The following PTPRD variants were observed in gnomAD, a reference collection of about 807,000 sequenced individuals.
The protein encoded by PTPRD is protein tyrosine phosphatase receptor type D.
Under a neutral mutation model 214.5 loss-of-function variants are expected in PTPRD, and 34 were observed. That is an observed-to-expected ratio of 0.16 (90% CI 0.12 to 0.21). The LOEUF is 0.21. PTPRD is among the 10% of genes least tolerant of loss of function. The pLI is 1.00. For missense variants in PTPRD, 2,545 were observed against 2,398.7 expected (o/e 1.06, Z -1.27); for synonymous variants, 1,128 against 845.7 (o/e 1.33, Z -5.79).
intron 10 of PTPRD, among the ~76,000 whole-genome samples, chr9:9,021,019 A>C (rs2099567970): frequency 6.6e-6 from 1 of 152,172 alleles, no homozygotes. Context: ...GGACACAAAA[A>C]CATAATATTT....
intron 8 of PTPRD, among the ~76,000 whole-genome samples, chr9:9,483,487 T>A (rs1189560598): frequency 6.6e-6 from 1 of 152,108 alleles, no homozygotes; most frequent in African/African-American, 2.4e-5. Flanking sequence ...GTAATAAAAA[T>A]ACGGAAGTTT....
intron 20 of PTPRD, among the ~76,000 whole-genome samples, chr9:8,519,730 TTTTGA>T (rs1157198667): frequency 1.2e-4 from 19 of 152,324 alleles, no homozygotes; most frequent in African/African-American, 4.1e-4. Flanking sequence ...TGTTCTTTTG[TTTTGA>T]TTTATTTTAA....
chr9:9,236,802 G>A (rs1209996192), intron 9 of PTPRD, among the ~76,000 whole-genome samples: 2 of 151,882 alleles, frequency 1.3e-5, no homozygotes, highest in African/African-American at 2.4e-5. Context: ...CAAAGAAAAT[G>A]GCCAGAGAGA....
chr9:9,593,294 TTAAC>T (rs1168812970), intron 7 of PTPRD, among the ~76,000 whole-genome samples: 2 of 150,646 alleles, frequency 1.3e-5, no homozygotes, highest in African/African-American at 4.9e-5. Flanking sequence ...TTATGGAAAC[TTAAC>T]TTTTTTTTTT....
At chr9:9,014,250 A>T (rs1029776356) in intron 11 of PTPRD, among the ~76,000 whole-genome samples, 2 of 146,760 alleles carry the variant, frequency 1.4e-5, no homozygotes, top group East Asian at 2.0e-4. Flanking sequence ...AGCAAAGCTG[A>T]TATCTTTGAA....
chr9:8,840,012 G>C (rs543439467), intron 11 of PTPRD, among the ~76,000 whole-genome samples: 4 of 152,210 alleles, frequency 2.6e-5, no homozygotes, highest in Non-Finnish European at 5.9e-5. Flanking sequence ...ATGAGCAAAA[G>C]GACTATAAGC....
At chr9:8,342,867 T>C (rs559785504) in intron 39 of PTPRD, among the ~76,000 whole-genome samples, 61 of 152,208 alleles carry the variant, frequency 4.0e-4, no homozygotes, top group African/African-American at 1.4e-3. Context: ...AAAAAGGATG[T>C]ATTAGTTTTG....
At chr9:8,514,676 CTT>C (rs772778155) in intron 21 of PTPRD, among the ~76,000 whole-genome samples, 4 of 152,074 alleles carry the variant, frequency 2.6e-5, no homozygotes, top group Admixed American at 1.3e-4. Flanking sequence ...TCTCTTGCCT[CTT>C]TTCATTATTG....
At chr9:10,009,452 A>G (rs2154103546) in intron 4 of PTPRD, among the ~76,000 whole-genome samples, 1 of 152,104 alleles carries the variant, frequency 6.6e-6, no homozygotes, top group South Asian at 2.1e-4. Flanking sequence ...GTGGATTCAC[A>G]GATTTTTTCA....
chr9:8,805,478 G>T (rs528301771), intron 11 of PTPRD, among the ~76,000 whole-genome samples: 1 of 149,530 alleles, frequency 6.7e-6, no homozygotes, highest in Admixed American at 6.7e-5. Context: ...GCCAATTTTG[G>T]AAAATGATTA....
chr9:8,907,520 A>T (rs2098716403), intron 11 of PTPRD, among the ~76,000 whole-genome samples: 2 of 121,370 alleles, frequency 1.6e-5, no homozygotes, highest in Admixed American at 1.7e-4. Context: ...TCCGTCTCAA[A>T]AAAAAAAAAA....
intron 7 of PTPRD, among the ~76,000 whole-genome samples, chr9:9,660,451 G>A (rs1235136488): frequency 2.0e-5 from 3 of 151,890 alleles, no homozygotes; most frequent in African/African-American, 2.4e-5. Context: ...TTTGAGTGAT[G>A]GGATCTTGAA....
At chr9:9,868,980 A>C (rs1013336543) in intron 5 of PTPRD, among the ~76,000 whole-genome samples, 3 of 152,204 alleles carry the variant, frequency 2.0e-5, no homozygotes, top group Non-Finnish European at 4.4e-5. Flanking sequence ...CAGGGACTAT[A>C]TCATTCACCT....
At chr9:8,357,970 G>C (rs755532407) in intron 39 of PTPRD, among the ~76,000 whole-genome samples, 12 of 152,178 alleles carry the variant, frequency 7.9e-5, no homozygotes, top group Non-Finnish European at 1.3e-4. Context: ...AATACTTCTT[G>C]GTCTTTGAGA....
At chr9:10,455,525 A>AT (rs2098905982) in intron 2 of PTPRD, among the ~76,000 whole-genome samples, 1 of 151,526 alleles carries the variant, frequency 6.6e-6, no homozygotes, top group Admixed American at 6.6e-5. Context: ...CAAACTCAAC[A>AT]TTTTTTAAAC....
chr9:9,814,070 G>A (rs1479901189), intron 5 of PTPRD, among the ~76,000 whole-genome samples: 11 of 152,042 alleles, frequency 7.2e-5, no homozygotes, highest in South Asian at 6.2e-4. Flanking sequence ...AATAGATGCA[G>A]AAAATGAATT....
intron 5 of PTPRD, among the ~76,000 whole-genome samples, chr9:9,934,333 A>G (rs1370883867): frequency 1.3e-5 from 2 of 151,062 alleles, no homozygotes; most frequent in African/African-American, 2.5e-5. Context: ...TGCTAGCAAG[A>G]CTAATAAAGA....
At chr9:8,547,766 A>G (rs1240541001) in intron 14 of PTPRD, among the ~76,000 whole-genome samples, 1 of 152,220 alleles carries the variant, frequency 6.6e-6, no homozygotes, top group Non-Finnish European at 1.5e-5. Context: ...ATATACCCAC[A>G]CAAAAATACA....
intron 37 of PTPRD, among the ~76,000 whole-genome samples, chr9:8,382,523 A>T (rs57763759): frequency 0.024 from 3,640 of 152,266 alleles, 121 homozygotes; most frequent in African/African-American, 0.082. Flanking sequence ...TTCTAAGTAG[A>T]GCAGGTGGGG....
Sources: allele counts gnomAD v4.1 joint callset (sites outside exome capture counted in the v4.1 genomes callset), GRCh38; gene constraint gnomAD v4.1.1; transcripts MANE v1.5; gene names NCBI Gene and HGNC (gene_info 2026-07-23, HGNC 2026-07-21).